Variants in CREB3L2 observed in about 807,000 individuals in gnomAD.
CREB3L2 encodes cyclic AMP-responsive element-binding protein 3-like protein 2.
Under a neutral mutation model 57.2 loss-of-function variants are expected in CREB3L2, and 23 were observed. The observed-to-expected ratio is 0.40, with a 90% confidence interval of 0.29 to 0.57. The LOEUF (loss-of-function observed/expected upper bound fraction) is 0.57, where lower values mean the gene tolerates loss of function less well. Among genes scored for constraint, CREB3L2 ranks in the 20% least tolerant of loss-of-function variants. The probability of loss-of-function intolerance (pLI) is 0.42; values close to 1 mark genes in which losing one functional copy is unlikely to be tolerated. For synonymous variants in CREB3L2, 268 were observed against 265.1 expected (o/e 1.01, Z -0.11); for missense variants, 628 against 634.7 (o/e 0.99, Z 0.11).
intron 1 of CREB3L2, among the ~76,000 whole-genome samples, chr7:137,986,285 C>T (rs921043507): frequency 6.6e-6 from 1 of 152,228 alleles, no homozygotes; most frequent in African/African-American, 2.4e-5. Flanking sequence ...AAAGTCTCTG[C>T]TTTCACGGTG....
chr7:137,922,423 TATATATATATATAC>T (rs1800334402), intron 2 of CREB3L2, among the ~76,000 whole-genome samples: 2 of 102,344 alleles, frequency 2.0e-5, no homozygotes, highest in Non-Finnish European at 3.3e-5. Flanking sequence ...TATGTATATA[TATATATATATATAC>T]GTATATATAT....
chr7:137,939,793 C>T (rs747784739), intron 1 of CREB3L2, among the ~76,000 whole-genome samples: 12 of 152,156 alleles, frequency 7.9e-5, no homozygotes, highest in South Asian at 2.1e-4. Flanking sequence ...CTTCTATCCC[C>T]GAGTCTAGAC....
rs1233760130 is a variant in CREB3L2, at chr7:137,876,506, G to C, written c.*3970C>G. 4 of 232,836 alleles carry C rather than the reference G, an allele frequency of 1.7e-5. No homozygotes were observed. The highest frequency in any genetic ancestry group is 3.4e-5 in the Non-Finnish European group (4 of 117,930). 14.4% of individuals were successfully genotyped at this position (232,836 alleles called of 1,614,324 possible). A position where few individuals can be genotyped will look rare whatever the true frequency, so the allele number is the denominator to read the frequency against. On this transcript the variant is annotated 3_prime_UTR_variant, in exon 12 of 12. Coordinates refer to ENST00000330387, the MANE Select transcript of CREB3L2 (RefSeq NM_194071.4). ...ACACTCTTCCTTATGAAACTGAAAA[G>C]TCTTAGGAGTAACTGAATGAGTGAG...
intron 1 of CREB3L2, among the ~76,000 whole-genome samples, chr7:137,969,348 T>C (rs1305004440): frequency 7.1e-6 from 1 of 140,084 alleles, no homozygotes. Flanking sequence ...TTCTTTTTTT[T>C]TTTTTTTTTT....
chr7:137,914,992 G>T (rs1800096509), intron 3 of CREB3L2, among the ~76,000 whole-genome samples: 1 of 152,106 alleles, frequency 6.6e-6, no homozygotes, highest in Non-Finnish European at 1.5e-5. Flanking sequence ...CTCCCAAAGT[G>T]CTGGGATTAT....
chr7:137,891,052 T>C (rs1036619929), intron 8 of CREB3L2, among the ~76,000 whole-genome samples: 3 of 152,246 alleles, frequency 2.0e-5, no homozygotes, highest in Admixed American at 6.5e-5. Context: ...GAGAAAGGAA[T>C]ACTCTTAGCA....
In CREB3L2 at chr7:137,879,309, G is replaced by A; in HGVS notation, c.*1167C>T. ...ACCTACCCCACCCTGCTTTGTTGAG[G>A]TAGGGGACGAGGAGGACAAAGTGGA... On this transcript the variant is annotated 3_prime_UTR_variant, in exon 12 of 12. Coordinates refer to ENST00000330387, the MANE Select transcript of CREB3L2 (RefSeq NM_194071.4). 1 of 526,034 alleles carries A rather than the reference G, an allele frequency of 1.9e-6. No individual in the cohort carries two copies. Among genetic ancestry groups the A allele is most frequent in the Admixed American group, 2.3e-5 (1 of 42,908 alleles). 32.6% of individuals were successfully genotyped at this position (526,034 alleles called of 1,614,324 possible).
chr7:137,922,453 T>TATATACACGTATATATATATATATACAC (rs1554498063), intron 2 of CREB3L2: 7 of 72,582 alleles, frequency 9.6e-5, no homozygotes, highest in African/African-American at 3.8e-4. Context: ...TATATATATA[T>TATATACACGTATATATATATATATACAC]ACACACATAT....
At chr7:137,962,874 TC>T (rs1801349541) in intron 1 of CREB3L2, among the ~76,000 whole-genome samples, 1 of 152,040 alleles carries the variant, frequency 6.6e-6, no homozygotes, top group African/African-American at 2.4e-5. Context: ...GAATTCCCAC[TC>T]CCTTCCATCC....
intron 8 of CREB3L2, among the ~76,000 whole-genome samples, chr7:137,889,244 G>A (rs1427453653): frequency 6.6e-6 from 1 of 152,120 alleles, no homozygotes; most frequent in African/African-American, 2.4e-5. Flanking sequence ...AGCTACACCT[G>A]AAGCCCACTG....
intron 8 of CREB3L2, among the ~76,000 whole-genome samples, chr7:137,889,129 T>A (rs1447661318): frequency 1.3e-5 from 2 of 152,042 alleles, no homozygotes; most frequent in African/African-American, 4.8e-5. Context: ...AGTCCTCCCT[T>A]CCAATTTCTG....
rs116023704 is a variant in CREB3L2, at chr7:137,964,975, G to A, written c.103-36609C>T. On this transcript the variant is annotated intron_variant, in intron 1 of 11. Transcript: ENST00000330387. ...GTGCCTTTTGCCTTCCGCCAACCAC[G>A]TGGAATTGTGAGTCCATGAAACCTC... Among the ~76,000 whole-genome samples the A allele has an allele frequency of 6.7e-3, 1,023 of 152,246 alleles. 6 individuals are homozygous for A. Among genetic ancestry groups the A allele is most frequent in the African/African-American group, 0.024 (981 of 41,542 alleles).
chr7:137,957,004 C>G (rs924060466), intron 1 of CREB3L2, among the ~76,000 whole-genome samples: 1 of 152,012 alleles, frequency 6.6e-6, no homozygotes, highest in Non-Finnish European at 1.5e-5. Context: ...ATGCCCCCCA[C>G]CCCCCAGTGT....
chr7:137,986,054 A>G (rs957238037), intron 1 of CREB3L2, among the ~76,000 whole-genome samples: 7 of 152,206 alleles, frequency 4.6e-5, no homozygotes, highest in East Asian at 1.9e-4. Context: ...AGCGGCCACA[A>G]ACCAGACATA....
chr7:137,923,700 G>A (rs2117233000), intron 2 of CREB3L2, among the ~76,000 whole-genome samples: 1 of 152,196 alleles, frequency 6.6e-6, no homozygotes. Flanking sequence ...ACTCATCTCT[G>A]CCCCTTCCTC....
chr7:137,939,121 A>G (rs1313301898), intron 1 of CREB3L2, among the ~76,000 whole-genome samples: 21 of 152,260 alleles, frequency 1.4e-4, no homozygotes, highest in Admixed American at 1.4e-3. Context: ...CCATGGCCCA[A>G]GAGTATCCAA....
At chr7:137,924,768 T>C (rs1585630620) in intron 2 of CREB3L2, among the ~76,000 whole-genome samples, 2 of 152,260 alleles carry the variant, frequency 1.3e-5, no homozygotes, top group African/African-American at 4.8e-5. Context: ...GATGTCTTTC[T>C]GGGGGTTTTG....
At chr7:137,898,592 T>C (rs184608653) in intron 8 of CREB3L2, among the ~76,000 whole-genome samples, 9 of 152,380 alleles carry the variant, frequency 5.9e-5, no homozygotes, top group African/African-American at 1.9e-4. Context: ...GTATACATTG[T>C]GGAGAACCGA....
intron 8 of CREB3L2, among the ~76,000 whole-genome samples, chr7:137,888,502 A>T (rs1417753198): frequency 6.6e-6 from 1 of 152,010 alleles, no homozygotes; most frequent in African/African-American, 2.4e-5. Context: ...GTGTGCATTC[A>T]TTCTCACAGC....
Sources: gnomAD v4.1 joint callset for allele counts (sites outside exome capture counted in the v4.1 genomes callset) on GRCh38, gnomAD v4.1.1 for gene constraint, MANE v1.5 for transcripts, NCBI Gene and HGNC (gene_info 2026-07-23, HGNC 2026-07-21) for gene names.